The following PLXDC2 variants were observed in gnomAD, a reference collection of about 807,000 sequenced individuals.
The protein encoded by PLXDC2 is plexin domain-containing protein 2.
Under a neutral mutation model 68.9 loss-of-function variants are expected in PLXDC2, and 40 were observed. The ratio of observed to expected loss-of-function variants is 0.58; its 90% CI spans 0.45 to 0.76. The LOEUF is 0.76. Among genes scored for constraint, PLXDC2 ranks in the 30% least tolerant of loss-of-function variants. PLXDC2 has a pLI of 0.00. For missense variants in PLXDC2, 644 were observed against 661.9 expected (o/e 0.97, Z 0.30); for synonymous variants, 243 against 234.2 (o/e 1.04, Z -0.34).
At chr10:19,901,127 C>G (rs1838152605) in intron 1 of PLXDC2, among the ~76,000 whole-genome samples, 1 of 151,910 alleles carries the variant, frequency 6.6e-6, no homozygotes, top group South Asian at 2.1e-4. Flanking sequence ...AATTGTGCTG[C>G]TATAAACATG....
chr10:20,182,134 A>G (rs1485455077), intron 9 of PLXDC2, among the ~76,000 whole-genome samples: 2 of 151,370 alleles, frequency 1.3e-5, no homozygotes, highest in Non-Finnish European at 2.9e-5. Flanking sequence ...TTTACATATA[A>G]TAAAATACAC....
chr10:20,084,677 A>G (rs1448169823), intron 4 of PLXDC2, among the ~76,000 whole-genome samples: 2 of 152,002 alleles, frequency 1.3e-5, no homozygotes, highest in Non-Finnish European at 2.9e-5. Context: ...TAACTTCCAG[A>G]CCATGAGATT....
At chr10:20,160,961 C>G (rs1834282895) in intron 6 of PLXDC2, among the ~76,000 whole-genome samples, 1 of 152,058 alleles carries the variant, frequency 6.6e-6, no homozygotes, top group Admixed American at 6.6e-5. Context: ...TGCACTCCAG[C>G]CTGGGCAACA....
At chr10:20,207,032 G>A (rs973107544) in intron 9 of PLXDC2, among the ~76,000 whole-genome samples, 4 of 151,992 alleles carry the variant, frequency 2.6e-5, no homozygotes, top group African/African-American at 9.7e-5. Flanking sequence ...ATTGCTTTTC[G>A]ATGCCATTTA....
At chr10:20,201,594 A>G (rs1423426782) in intron 9 of PLXDC2, among the ~76,000 whole-genome samples, 1 of 152,090 alleles carries the variant, frequency 6.6e-6, no homozygotes, top group Non-Finnish European at 1.5e-5. Context: ...TAACAATACT[A>G]TATATTTTCA....
intron 2 of PLXDC2, among the ~76,000 whole-genome samples, chr10:20,004,103 A>T (rs766719582): frequency 3.3e-5 from 5 of 152,366 alleles, no homozygotes; most frequent in Non-Finnish European, 7.3e-5. Flanking sequence ...CAGTTTCCTG[A>T]AGCAGATATT....
chr10:20,105,713 T>C (rs1406542794), intron 4 of PLXDC2, among the ~76,000 whole-genome samples: 1 of 152,144 alleles, frequency 6.6e-6, no homozygotes, highest in African/African-American at 2.4e-5. Context: ...GAAGCTGAAA[T>C]GGGTATCACC....
At chr10:19,931,915 T>C (rs2131389891) in intron 1 of PLXDC2, among the ~76,000 whole-genome samples, 1 of 151,800 alleles carries the variant, frequency 6.6e-6, no homozygotes, top group South Asian at 2.1e-4. Flanking sequence ...CTTAATGAAG[T>C]TGAATTTCAA....
chr10:20,163,257 T>G (rs1296554250), intron 6 of PLXDC2, among the ~76,000 whole-genome samples: 4 of 152,190 alleles, frequency 2.6e-5, no homozygotes, highest in Non-Finnish European at 5.9e-5. Context: ...GAAAATGTCA[T>G]CTTCTATTTA....
intron 7 of PLXDC2, among the ~76,000 whole-genome samples, chr10:20,164,829 CT>C (rs1224223277): frequency 2.0e-5 from 3 of 151,884 alleles, no homozygotes; most frequent in Non-Finnish European, 2.9e-5. Flanking sequence ...TTTTTTCTTT[CT>C]TTTGATTTGG....
At chr10:20,024,710 C>T (rs1313984110) in intron 2 of PLXDC2, among the ~76,000 whole-genome samples, 9 of 152,078 alleles carry the variant, frequency 5.9e-5, no homozygotes, top group Non-Finnish European at 5.9e-5. Context: ...TTTTTCAACC[C>T]TTGATCCCCA....
At chr10:19,918,094 A>G (rs1420164444) in intron 1 of PLXDC2, among the ~76,000 whole-genome samples, 1 of 152,144 alleles carries the variant, frequency 6.6e-6, no homozygotes, top group East Asian at 1.9e-4. Flanking sequence ...CAGCCATTGG[A>G]TAATTTGTGT....
intron 1 of PLXDC2, among the ~76,000 whole-genome samples, chr10:19,845,987 C>T (rs776736778): frequency 2.0e-5 from 3 of 152,106 alleles, no homozygotes; most frequent in Non-Finnish European, 4.4e-5. Context: ...GAGTTGAATC[C>T]CACCTCCTAC....
chr10:20,214,626 G>C (rs779991034), intron 10 of PLXDC2, among the ~76,000 whole-genome samples: 1 of 152,058 alleles, frequency 6.6e-6, no homozygotes, highest in South Asian at 2.1e-4. Flanking sequence ...CAATGGAAAG[G>C]CACCATTGGG....
At chr10:19,984,978 A>G (rs908394104) in intron 1 of PLXDC2, among the ~76,000 whole-genome samples, 10 of 152,234 alleles carry the variant, frequency 6.6e-5, no homozygotes, top group Non-Finnish European at 1.2e-4. Context: ...TTACTCTTGT[A>G]AAAGGAAATT....
intron 6 of PLXDC2, among the ~76,000 whole-genome samples, chr10:20,148,949 A>G (rs1313231482): frequency 6.6e-6 from 1 of 152,140 alleles, no homozygotes; most frequent in Non-Finnish European, 1.5e-5. Context: ...ACCATGTCAG[A>G]TATTTCTATT....
At position 19,986,815 on chromosome 10, in the gene PLXDC2, A is replaced by C. The variant is rs573330388; in HGVS notation, c.113-14960A>C. On this transcript the variant is annotated intron_variant, in intron 1 of 13. Transcript: ENST00000377252. ...CTCTGGGGAAATGCGAAAGAAAATT[A>C]TCTGTGTAGAATGGGAACATGTTAA... is the stretch of plus-strand genomic sequence containing the variant. Among the ~76,000 whole-genome samples the C allele has an allele frequency of 5.3e-4, 81 of 152,346 alleles. 2 individuals carry two copies. In the South Asian group the frequency reaches 0.012, roughly 23 times the overall value.
At chr10:20,241,295 T>C (rs1041555) in intron 12 of PLXDC2, among the ~76,000 whole-genome samples, 34,477 of 152,174 alleles carry the variant, frequency 0.23, 3,920 homozygotes, top group East Asian at 0.25. Context: ...TGGCAACTTA[T>C]GCCCTGCAGG....
intron 1 of PLXDC2, among the ~76,000 whole-genome samples, chr10:19,896,214 AAC>A (rs1260649502): frequency 1.3e-5 from 2 of 152,190 alleles, no homozygotes; most frequent in African/African-American, 4.8e-5. Context: ...TAAGCTTGCA[AAC>A]ACAGCCTTGG....
Sources: gnomAD v4.1 joint callset for allele counts (sites outside exome capture counted in the v4.1 genomes callset) on GRCh38, gnomAD v4.1.1 for gene constraint, MANE v1.5 for transcripts, NCBI Gene and HGNC (gene_info 2026-07-23, HGNC 2026-07-21) for gene names.